TRAFD1: variants seen among roughly 807,000 people sequenced by gnomAD.
The protein encoded by TRAFD1 is TRAF-type zinc finger domain containing 1, also known as TRAF-type zinc finger domain-containing protein 1.
Under a neutral mutation model 65.3 loss-of-function variants are expected in TRAFD1, and 38 were observed. That is an observed-to-expected ratio of 0.58 (90% CI 0.45 to 0.76). The LOEUF is 0.76. TRAFD1 is among the 30% of genes least tolerant of loss of function. TRAFD1 has a pLI of 0.00. For missense variants in TRAFD1, 631 were observed against 712.6 expected (o/e 0.89, Z 1.30); for synonymous variants, 223 against 257.2 (o/e 0.87, Z 1.27).
intron 6 of TRAFD1, among the ~76,000 whole-genome samples, chr12:112,143,314 C>T (rs776631691): frequency 3.8e-4 from 58 of 152,294 alleles, no homozygotes; most frequent in Non-Finnish European, 6.3e-4. Context: ...CTCCTGACCT[C>T]GTGATCCGCC....
Position 112,130,723 on chromosome 12 carries a change from G to C in TRAFD1, c.47+154G>C, listed in dbSNP as rs1180577428. 6.6e-6 allele frequency among the ~76,000 whole-genome samples: 1 copy of C among 152,196 alleles called. No individual in the cohort carries two copies. The highest frequency in any genetic ancestry group is 1.5e-5 in the Non-Finnish European group (1 of 68,026). The stretch of plus-strand genomic sequence containing the variant: ...TATAACCCACATGAATTACAAGAAA[G>C]AGCATCTCTTTCCTGATGAAATGAA... On this transcript the variant is annotated intron_variant, in intron 2 of 11. Coordinates refer to ENST00000412615, the MANE Select transcript of TRAFD1 (RefSeq NM_006700.3). The surrounding 1 kb of genome is among the most constrained non-coding windows in gnomAD (Gnocchi z 4.4).
At chr12:112,141,983 CT>C in intron 5 of TRAFD1, 105 bp from the exon 6 acceptor site, 1 of 1,261,246 alleles carries the variant, frequency 7.9e-7, no homozygotes, top group South Asian at 1.4e-5. Context: ...ATTTTTATTC[CT>C]TCCCGGATGC....
chr12:112,130,427 A>G lies in TRAFD1; in HGVS notation c.-12-84A>G, dbSNP rs187659455. ...CAGGTTTGGGTGACAGTTTCTGTAT[A>G]CTAGTTTTTTATTTGTTTTTTTGCA... On this transcript the variant is annotated intron_variant, in intron 1 of 11. Transcript: ENST00000412615. The surrounding 1 kb of genome is among the most constrained non-coding windows in gnomAD (Gnocchi z 4.4). 35 of 1,026,500 alleles carry G rather than the reference A, an allele frequency of 3.4e-5. No individual in the cohort carries two copies. In the African/African-American group the frequency reaches 5.1e-4, roughly 15 times the overall value. 63.6% of individuals were successfully genotyped at this position (1,026,500 alleles called of 1,614,324 possible).
chr12:112,150,799 G>A (rs2030383012), intron 9 of TRAFD1, among the ~76,000 whole-genome samples: 1 of 151,986 alleles, frequency 6.6e-6, no homozygotes, highest in African/African-American at 2.4e-5. Flanking sequence ...CTGGGCTCAA[G>A]TGTTCCTCCC....
intron 1 of TRAFD1, among the ~76,000 whole-genome samples, chr12:112,127,696 C>T (rs1395407729): frequency 2.0e-5 from 3 of 151,676 alleles, no homozygotes; most frequent in African/African-American, 4.9e-5. Flanking sequence ...GAGGGAGTCT[C>T]GCTCTGTCGC....
Position 112,152,869 on chromosome 12 carries a change from T to C in TRAFD1, c.*78T>C, listed in dbSNP as rs2030448878. 1.4e-5 allele frequency: 21 copies of C among 1,519,668 alleles called. No individual in the cohort carries two copies. The South Asian group carries it at 2.0e-4, about 15-fold the overall frequency. 94.1% of individuals were successfully genotyped at this position (1,519,668 alleles called of 1,614,324 possible). ...TTGCCGCTGTGCAGGCCCACCTCTT[T>C]GGCTCTTTGGGTGGGAGAGTTTTTC... On this transcript the variant is annotated 3_prime_UTR_variant, in exon 12 of 12. Coordinates refer to ENST00000412615, the MANE Select transcript of TRAFD1 (RefSeq NM_006700.3). This position sits in a 1 kb window ranked among gnomAD's most constrained non-coding sequence, Gnocchi z 5.0.
chr12:112,127,594 C>T (rs1192644882), intron 1 of TRAFD1, among the ~76,000 whole-genome samples: 1 of 151,986 alleles, frequency 6.6e-6, no homozygotes, highest in African/African-American at 2.4e-5. Context: ...CTACCTCAGC[C>T]TCCCACCCCA....
intron 7 of TRAFD1, among the ~76,000 whole-genome samples, chr12:112,146,149 C>T (rs2030236006): frequency 6.9e-6 from 1 of 144,756 alleles, no homozygotes; most frequent in Admixed American, 7.1e-5. Flanking sequence ...TGCACATGTA[C>T]CCTAAAACTT....
In TRAFD1 at chr12:112,152,010, C is replaced by T. The variant is rs775197159; in HGVS notation, c.1489C>T (p.Arg497Trp). Reference sequence around the variant, plus strand: ...CTCAGACAGCCAGGACATCCAGGGGCGGAATCGAGACAGCCAGAATGGGGC... The same window carrying T: ...CTCAGACAGCCAGGACATCCAGGGGTGGAATCGAGACAGCCAGAATGGGGC... Reference protein sequence around the residue: ...SNSDSQDIQGRNRDSQNGAIA... With the variant: ...SNSDSQDIQGWNRDSQNGAIA... The change falls in exon 10 of 12, where the codon CGG (arginine) becomes TGG (tryptophan). Residue 497 changes from arginine (R) to tryptophan (W), a missense_variant. By Grantham distance (101) the Arg-to-Trp change is moderately radical. Transcript: ENST00000412615. This position sits in a 1 kb window ranked among gnomAD's most constrained non-coding sequence, Gnocchi z 5.0. 32 of 1,614,120 alleles carry T rather than the reference C, an allele frequency of 2.0e-5. No individual in the cohort carries two copies. In the Admixed American group the frequency reaches 2.3e-4, roughly 12 times the overall value.
chr12:112,144,268 CTT>C (rs745666002), intron 6 of TRAFD1, among the ~76,000 whole-genome samples: 2 of 135,782 alleles, frequency 1.5e-5, no homozygotes, highest in Admixed American at 7.4e-5. Context: ...TTGGCCTGGA[CTT>C]TTTTTTTTTT....
chr12:112,152,440 G>A lies in TRAFD1; in HGVS notation c.1633G>A (p.Gly545Ser). 6.2e-7 allele frequency: 1 copy of A among 1,613,462 alleles called. No individual in the cohort carries two copies. Among genetic ancestry groups the A allele is most frequent in the Non-Finnish European group, 8.5e-7 (1 of 1,180,018 alleles). Reference protein sequence around the residue: ...GRYGASGRSEGGRNSRVTPAA... With the variant: ...GRYGASGRSESGRNSRVTPAA... Reference sequence around the variant, plus strand: ...GTTTTCTTTCAGTGGTAGGAGTGAAGGTGGCAGGAATTCCCGGGTCACCCC... The same window carrying A: ...GTTTTCTTTCAGTGGTAGGAGTGAAAGTGGCAGGAATTCCCGGGTCACCCC... The change falls in exon 11 of 12, where the codon GGT becomes AGT. Residue 545 changes from glycine to serine, a missense_variant. Transcript: ENST00000412615. This position sits in a 1 kb window ranked among gnomAD's most constrained non-coding sequence, Gnocchi z 5.0.
chr12:112,140,949 T>C lies in TRAFD1; in HGVS notation c.368T>C (p.Val123Ala). ...CTATGTGGCAACTGTGGTCGCAATG[T>C]CCTTGTGAAAGATCTGAAGACTCAC... ...TELCGNCGRN[V>A]LVKDLKTHPE... is the part of the protein sequence containing the mutation. Residue 123 changes from valine to alanine, a missense_variant, in exon 5 of 12, where the codon GTC (valine) becomes GCC (alanine). By Grantham distance (64) the Val-to-Ala change is moderately conservative. Coordinates refer to ENST00000412615, the MANE Select transcript of TRAFD1 (RefSeq NM_006700.3). 1 of 1,614,172 alleles carries C rather than the reference T, an allele frequency of 6.2e-7. No individual in the cohort carries two copies. The highest frequency in any genetic ancestry group is 8.5e-7 in the Non-Finnish European group (1 of 1,180,026).
chr12:112,146,718 G>A (rs893994180), intron 7 of TRAFD1, among the ~76,000 whole-genome samples: 2 of 152,162 alleles, frequency 1.3e-5, no homozygotes, highest in Admixed American at 1.3e-4. Context: ...GCTAGGTCAG[G>A]AACCACACCT....
At chr12:112,145,686 C>A (rs368113298) in intron 7 of TRAFD1, 24 bp downstream of exon 7, 12 of 1,609,598 alleles carry the variant, frequency 7.5e-6, no homozygotes, top group Non-Finnish European at 1.0e-5. Context: ...TACTTGAGGA[C>A]TTTTAGTAGG....
rs1260656487 is a variant in TRAFD1 at position 112,152,248 on chromosome 12, G to GT, written c.1619+109dup. 3.5e-6 allele frequency: 5 copies of GT among 1,415,040 alleles called. No homozygotes were observed. The highest frequency in any genetic ancestry group is 4.8e-6 in the Non-Finnish European group (5 of 1,040,592). The allele number at this position is 1,415,040 out of a possible 1,614,324, so 87.7% of individuals were successfully genotyped here. On this transcript the variant is annotated intron_variant, in intron 10 of 11. Transcript: ENST00000412615. This position sits in a 1 kb window ranked among gnomAD's most constrained non-coding sequence, Gnocchi z 5.0. ...GGGGTAAGACTGAGGTACTTGCATG[G>GT]TAAGGGGAGGAGTATGGATTTTCCC...
At chr12:112,146,930 G>A (rs1371985023) in intron 7 of TRAFD1, among the ~76,000 whole-genome samples, 4 of 150,578 alleles carry the variant, frequency 2.7e-5, no homozygotes, top group Non-Finnish European at 5.9e-5. Flanking sequence ...GAGCCATTTA[G>A]GAATGATGAG....
At chr12:112,144,736 A>G (rs6489830) in intron 6 of TRAFD1, among the ~76,000 whole-genome samples, 21,401 of 152,110 alleles carry the variant, frequency 0.14, 1,882 homozygotes, top group African/African-American at 0.25. Flanking sequence ...AACAAAAACT[A>G]GCTAGGCATG....
intron 1 of TRAFD1, chr12:112,126,078 T>G (rs1224880285): frequency 6.6e-6 from 1 of 152,256 alleles, no homozygotes; most frequent in African/African-American, 2.4e-5. Flanking sequence ...GCCTTCCGCT[T>G]TCGTAGCCTC....
In TRAFD1 at chr12:112,129,193, ATTTTTTTT is replaced by A. The variant is rs56949881; in HGVS notation, c.-12-1299_-12-1292del. ...GAACCAGAAAAAGGGTGGGATGGTGATTTTTTTTTTTTTTTTTTTTTTTTTTGAGACAG... is the reference window on the plus strand; with the variant it reads ...GAACCAGAAAAAGGGTGGGATGGTGATTTTTTTTTTTTTTTTTTGAGACAG... On this transcript the variant is annotated intron_variant, in intron 1 of 11. Coordinates refer to ENST00000412615, the MANE Select transcript of TRAFD1 (RefSeq NM_006700.3). Among the ~76,000 whole-genome samples, 112 of 81,370 alleles carry A rather than the reference ATTTTTTTT, an allele frequency of 1.4e-3. 1 individual carries two copies. The highest frequency in any genetic ancestry group is 0.011 in the East Asian group (17 of 1,594). The allele number at this position is 81,370 out of a possible 152,430, so 53.4% of individuals were successfully genotyped here. A position where few individuals can be genotyped will look rare whatever the true frequency, so the allele number is the denominator to read the frequency against.
Sources: gnomAD v4.1 joint callset for allele counts (sites outside exome capture counted in the v4.1 genomes callset) on GRCh38, gnomAD v4.1.1 for gene constraint, Gnocchi (gnomAD v3.1) non-coding constraint, MANE v1.5 for transcripts, NCBI Gene and HGNC (gene_info 2026-07-23, HGNC 2026-07-21) for gene names.